The following EIF4G3 variants were observed in gnomAD, a reference collection of about 807,000 sequenced individuals.
EIF4G3 encodes the protein eukaryotic translation initiation factor 4 gamma 3, also known as eIF-4-gamma 3.
A neutral mutation model predicts 186.4 loss-of-function variants in EIF4G3; 34 were observed. The observed-to-expected ratio is 0.18, with a 90% confidence interval of 0.14 to 0.24. The LOEUF (loss-of-function observed/expected upper bound fraction) is 0.24. Among genes scored for constraint, EIF4G3 ranks in the 10% least tolerant of loss-of-function variants. The probability of loss-of-function intolerance (pLI) is 1.00; values close to 1 mark genes in which losing one functional copy is unlikely to be tolerated. For missense variants in EIF4G3, 1,536 were observed against 1,948.5 expected (o/e 0.79, Z 3.99); for synonymous variants, 673 against 679.5 (o/e 0.99, Z 0.15).
intron 2 of EIF4G3, among the ~76,000 whole-genome samples, chr1:21,112,257 T>C (rs2096739120): frequency 6.6e-6 from 1 of 152,162 alleles, no homozygotes; most frequent in Non-Finnish European, 1.5e-5. Flanking sequence ...TGGAAAAACT[T>C]TTCCTCACTA....
chr1:21,030,234 T>C (rs1052847109), intron 4 of EIF4G3, among the ~76,000 whole-genome samples: 3 of 152,200 alleles, frequency 2.0e-5, no homozygotes, highest in Non-Finnish European at 4.4e-5. Context: ...ATGGTTTGGC[T>C]CTGTGTCTCC....
intron 2 of EIF4G3, among the ~76,000 whole-genome samples, chr1:21,125,362 A>T (rs1006734489): frequency 2.0e-5 from 3 of 152,230 alleles, no homozygotes; most frequent in Non-Finnish European, 4.4e-5. Flanking sequence ...TTTCTTAATG[A>T]CAACAGCCCC....
intron 4 of EIF4G3, among the ~76,000 whole-genome samples, chr1:21,032,032 G>A (rs887081454): frequency 6.6e-6 from 1 of 152,126 alleles, no homozygotes; most frequent in Non-Finnish European, 1.5e-5. Flanking sequence ...AGGTGGAGAG[G>A]AAGAAAACGT....
At chr1:21,021,661 T>A (rs1201742684) in intron 4 of EIF4G3, among the ~76,000 whole-genome samples, 1 of 152,146 alleles carries the variant, frequency 6.6e-6, no homozygotes, top group Non-Finnish European at 1.5e-5. Context: ...GTTCAAGCGA[T>A]TCTCCTACCT....
intron 10 of EIF4G3, among the ~76,000 whole-genome samples, chr1:20,974,090 G>A (rs1162866020): frequency 6.6e-6 from 1 of 152,100 alleles, no homozygotes; most frequent in Non-Finnish European, 1.5e-5. Context: ...ATAGAGTTTG[G>A]GGCAGAAAAA....
intron 31 of EIF4G3, 93 bp from the exon 32 acceptor site, chr1:20,827,791 T>C: frequency 2.6e-6 from 2 of 756,596 alleles, no homozygotes; most frequent in African/African-American, 1.7e-5. Context: ...AACCAGATAC[T>C]GTGCAACCTA....
rs1186205210 is a variant in EIF4G3, at chr1:21,098,126, C to G, written c.-271-8913G>C. 2.6e-5 allele frequency among the ~76,000 whole-genome samples: 4 copies of G among 152,116 alleles called. No homozygotes were observed. In the East Asian group the frequency reaches 7.7e-4, roughly 29 times the overall value. ...AGAAAATTGATAAACTGAACATCATCAAAACTACAAACATTTCCACTGTGA... is the reference window on the plus strand; with the variant it reads ...AGAAAATTGATAAACTGAACATCATGAAAACTACAAACATTTCCACTGTGA... On this transcript the variant is annotated intron_variant, in intron 2 of 36. Transcript: ENST00000602326.
intron 4 of EIF4G3, among the ~76,000 whole-genome samples, chr1:21,015,827 A>C (rs923856611): frequency 1.3e-5 from 2 of 152,016 alleles, no homozygotes; most frequent in African/African-American, 2.4e-5. Context: ...AAATGAGGGA[A>C]GAATTAAGAC....
intron 7 of EIF4G3, among the ~76,000 whole-genome samples, chr1:20,989,330 T>C (rs927063672): frequency 4.7e-5 from 7 of 149,234 alleles, no homozygotes; most frequent in Non-Finnish European, 1.0e-4. Flanking sequence ...TGGAGGCGGG[T>C]GGATCACCTG....
At position 20,807,596 on chromosome 1, in the gene EIF4G3, A is replaced by G. The variant is rs1036281717; in HGVS notation, c.4745-96T>C. ...ATAATGAATGACTGAATAAATGTGC[A>G]TTAATTCCCCCAGAAAAAAGCAATA... On this transcript the variant is annotated intron_variant, in intron 36 of 36. Transcript: ENST00000602326. 3 of 1,114,698 alleles carry G rather than the reference A, an allele frequency of 2.7e-6. No individual in the cohort carries two copies. The African/African-American group carries it at 4.7e-5, about 18-fold the overall frequency. 69.1% of individuals were successfully genotyped at this position (1,114,698 alleles called of 1,614,324 possible).
intron 4 of EIF4G3, among the ~76,000 whole-genome samples, chr1:21,045,107 G>A (rs1349168416): frequency 6.6e-6 from 1 of 152,056 alleles, no homozygotes; most frequent in Non-Finnish European, 1.5e-5. Flanking sequence ...GTGACAGAGT[G>A]AGGTCCTGTC....
At chr1:20,869,306 ATTTTTTTTTTTTT>A (rs954573350) in intron 20 of EIF4G3, among the ~76,000 whole-genome samples, 1 of 97,396 alleles carries the variant, frequency 1.0e-5, no homozygotes, top group Non-Finnish European at 2.0e-5. Context: ...TTACTTTAAA[ATTTTTTTTTTTTT>A]TTTTTTTTTT....
At chr1:20,898,300 G>C (rs1446272938) in intron 16 of EIF4G3, among the ~76,000 whole-genome samples, 2 of 151,570 alleles carry the variant, frequency 1.3e-5, no homozygotes, top group Non-Finnish European at 2.9e-5. Context: ...AAGCAGCCTG[G>C]GCAACATAGT....
At chr1:21,022,781 T>A (rs1057154617) in intron 4 of EIF4G3, among the ~76,000 whole-genome samples, 3 of 152,222 alleles carry the variant, frequency 2.0e-5, no homozygotes, top group African/African-American at 7.2e-5. Context: ...GTCTCTCCAG[T>A]TGACCTACAG....
chr1:21,088,995 G>T (rs905306963), intron 3 of EIF4G3, 143 bp downstream of exon 3: 3 of 601,956 alleles, frequency 5.0e-6, no homozygotes, highest in Admixed American at 6.0e-5. Flanking sequence ...GATATGGAAA[G>T]GGCCTATCAT....
Position 20,893,601 on chromosome 1 carries a change from A to T in EIF4G3, c.2169T>A (p.Asp723Glu), listed in dbSNP as rs974684449. Residue 723 changes from aspartate (D) to glutamate (E), a missense_variant, in exon 18 of 37, where the codon GAT (aspartate) becomes GAA (glutamate). Physicochemically the swap from Asp to Glu is conservative, Grantham distance 45. Coordinates refer to ENST00000602326, the MANE Select transcript of EIF4G3 (RefSeq NM_001391906.1). ...NQPKLPMRTL[D>E]PRILPRGPDF... ...CTGGTCCTCGAGGCAAAATTCGAGG[A>T]TCCAGAGTTCGCATTGGCAATTTGG... 5 of 1,587,502 alleles carry T rather than the reference A, an allele frequency of 3.1e-6. No homozygotes were observed. Among genetic ancestry groups the T allele is most frequent in the Non-Finnish European group, 4.3e-6 (5 of 1,160,096 alleles).
intron 2 of EIF4G3, among the ~76,000 whole-genome samples, chr1:21,142,327 C>T (rs2097354896): frequency 1.3e-5 from 2 of 151,248 alleles, no homozygotes; most frequent in African/African-American, 4.9e-5. Context: ...TGATGAAACC[C>T]CCACTCTACA....
chr1:20,978,669 TATCAG>T (rs2077338794), intron 10 of EIF4G3, among the ~76,000 whole-genome samples: 1 of 133,208 alleles, frequency 7.5e-6, no homozygotes, highest in Non-Finnish European at 1.6e-5. Context: ...GTAGCCCTTT[TATCAG>T]ATCAAAAAAA....
rs566107253 is a variant in EIF4G3 at position 21,175,923 on chromosome 1, AAAGG to A, written c.-272+248_-272+251del. 452 of 202,528 alleles carry A rather than the reference AAAGG, an allele frequency of 2.2e-3. 1 individual carries two copies. Among genetic ancestry groups the A allele is most frequent in the African/African-American group, 9.6e-3 (410 of 42,800 alleles). The allele number at this position is 202,528 out of a possible 1,614,324, so 12.5% of individuals were successfully genotyped here. A position where few individuals can be genotyped will look rare whatever the true frequency, so the allele number is the denominator to read the frequency against. Reference sequence around the variant, plus strand: ...AGGGGAGAAGGGACCCCAAGCTCTAAAAGGAAGGGGCTGCAGAAGCATGGCCAAG... The same window carrying A: ...AGGGGAGAAGGGACCCCAAGCTCTAAAAGGGGCTGCAGAAGCATGGCCAAG... On this transcript the variant is annotated intron_variant, in intron 2 of 36. Transcript: ENST00000602326.
Sources: allele counts gnomAD v4.1 joint callset (sites outside exome capture counted in the v4.1 genomes callset), GRCh38; gene constraint gnomAD v4.1.1; transcripts MANE v1.5; gene names NCBI Gene and HGNC (gene_info 2026-07-23, HGNC 2026-07-21).